The following CHN2 variants were observed in gnomAD, a reference collection of about 807,000 sequenced individuals.
CHN2 encodes chimerin 2.
A neutral mutation model predicts 56.3 loss-of-function variants in CHN2; 35 were observed. That is an observed-to-expected ratio of 0.62 (90% CI 0.47 to 0.82). The LOEUF is 0.82. Ranked by LOEUF, CHN2 falls within the 40% of genes least tolerant of loss-of-function variation. CHN2 has a pLI of 0.00. For synonymous variants in CHN2, 210 were observed against 212.8 expected (o/e 0.99, Z 0.12); for missense variants, 491 against 580.5 (o/e 0.85, Z 1.58).
chr7:29,237,458 G>T (rs1280548046), intron 1 of CHN2, among the ~76,000 whole-genome samples: 1 of 150,566 alleles, frequency 6.6e-6, no homozygotes, highest in African/African-American at 2.4e-5. Context: ...CTATTCTGAA[G>T]ATTTCAGTTT....
At position 29,508,586 on chromosome 7, in the gene CHN2, G is replaced by GCC. The variant is rs774665533; in HGVS notation, c.1130-713_1130-712dup. Among the ~76,000 whole-genome samples the GCC allele has an allele frequency of 2.0e-5, 3 of 152,170 alleles. No individual in the cohort carries two copies. The East Asian group carries it at 5.8e-4, about 29-fold the overall frequency. ...GGTAAGACTATTCCCTCCTTCCGGG[G>GCC]CCCTAGTGGTCCTGGCAAAGAAGGT... is the stretch of plus-strand genomic sequence containing the variant. On this transcript the variant is annotated intron_variant, in intron 11 of 12. Coordinates refer to ENST00000222792, the MANE Select transcript of CHN2 (RefSeq NM_004067.4).
chr7:29,201,554 T>G (rs1353427302), intron 1 of CHN2, among the ~76,000 whole-genome samples: 3 of 152,170 alleles, frequency 2.0e-5, no homozygotes, highest in Non-Finnish European at 2.9e-5. Flanking sequence ...GGCACAAAGA[T>G]TTAAGTGGCT....
exon 2 of CHN2, chr7:29,146,880 G>A: frequency 6.4e-7 from 1 of 1,551,148 alleles, no homozygotes. Flanking sequence ...TTTACATTTG[G>A]AAAGCGAGTG....
At chr7:29,419,961 G>A (rs1804164529) in intron 6 of CHN2, among the ~76,000 whole-genome samples, 2 of 151,650 alleles carry the variant, frequency 1.3e-5, no homozygotes, top group South Asian at 2.1e-4. Context: ...TCGGGAGGCC[G>A]AGGCAGAAGA....
intron 1 of CHN2, among the ~76,000 whole-genome samples, chr7:29,274,308 T>G (rs1790996474): frequency 6.6e-6 from 1 of 152,214 alleles, no homozygotes; most frequent in Non-Finnish European, 1.5e-5. Flanking sequence ...GTGCTCCACT[T>G]CGTCTGCACA....
chr7:29,156,743 C>T (rs1470942183), intron 2 of CHN2, among the ~76,000 whole-genome samples: 4 of 152,166 alleles, frequency 2.6e-5, no homozygotes, highest in Admixed American at 2.0e-4. Flanking sequence ...CTTACACAAG[C>T]ATTATGCTAA....
At chr7:29,380,552 T>A (rs1585211076) in intron 3 of CHN2, among the ~76,000 whole-genome samples, 1 of 152,338 alleles carries the variant, frequency 6.6e-6, no homozygotes, top group Non-Finnish European at 1.5e-5. Flanking sequence ...CTCTTACATT[T>A]CTAGGAGAGA....
At chr7:29,172,100 G>A (rs934914778) in intron 2 of CHN2, among the ~76,000 whole-genome samples, 1 of 152,162 alleles carries the variant, frequency 6.6e-6, no homozygotes, top group Non-Finnish European at 1.5e-5. Context: ...ACGTTTATAC[G>A]CTTGGATTAC....
In CHN2 at chr7:29,318,637, T is replaced by A. The variant is rs540241205; in HGVS notation, c.50-35988T>A. On this transcript the variant is annotated intron_variant, in intron 1 of 12. Transcript: ENST00000222792. ...CCAGTCACAGTCATTTTTTTCCTGG[T>A]AACTTTTGCTGCAGTTATTTGATTT... Among the ~76,000 whole-genome samples, 2 of 152,328 alleles carry A rather than the reference T, an allele frequency of 1.3e-5. 1 individual carries two copies. Among genetic ancestry groups the A allele is most frequent in the South Asian group, 4.1e-4 (2 of 4,828 alleles).
rs573946260 is a variant in CHN2, at chr7:29,513,501, G to T, written c.*766G>T. 2 of 152,308 alleles carry T rather than the reference G, an allele frequency of 1.3e-5. No individual in the cohort carries two copies. Among genetic ancestry groups the T allele is most frequent in the East Asian group, 3.9e-4 (2 of 5,184 alleles). 9.4% of individuals were successfully genotyped at this position (152,308 alleles called of 1,614,324 possible). A position where few individuals can be genotyped will look rare whatever the true frequency, so the allele number is the denominator to read the frequency against. On this transcript the variant is annotated 3_prime_UTR_variant, in exon 13 of 13. Transcript: ENST00000222792. Reference sequence around the variant, plus strand: ...AATTCCCAAAGTATGCTTTGGAATTGGTCATAGTCTTTTCGTATCATGAGT... The same window carrying T: ...AATTCCCAAAGTATGCTTTGGAATTTGTCATAGTCTTTTCGTATCATGAGT...
chr7:29,321,281 C>T (rs3828986), intron 1 of CHN2, among the ~76,000 whole-genome samples: 36,501 of 152,092 alleles, frequency 0.24, 4,945 homozygotes, highest in Non-Finnish European at 0.31. Context: ...ATGCTAAGAG[C>T]TTGCTGTGCT....
At chr7:29,426,434 AG>A (rs1229211528) in intron 6 of CHN2, among the ~76,000 whole-genome samples, 1 of 152,190 alleles carries the variant, frequency 6.6e-6, no homozygotes, top group African/African-American at 2.4e-5. Flanking sequence ...TTGTTTGTAT[AG>A]GAGAACTTGC....
At chr7:29,291,123 T>G (rs1162770278) in intron 1 of CHN2, among the ~76,000 whole-genome samples, 1 of 152,152 alleles carries the variant, frequency 6.6e-6, no homozygotes, top group Non-Finnish European at 1.5e-5. Flanking sequence ...TTGAGGTGCT[T>G]TTCCCTTACC....
intron 6 of CHN2, among the ~76,000 whole-genome samples, chr7:29,472,625 G>A (rs1243212781): frequency 1.3e-5 from 2 of 151,824 alleles, no homozygotes; most frequent in Admixed American, 6.6e-5. Context: ...CATAAAAGTC[G>A]AAATCATTTC....
At chr7:29,234,831 A>C (rs1291254453) in intron 1 of CHN2, among the ~76,000 whole-genome samples, 1 of 152,222 alleles carries the variant, frequency 6.6e-6, no homozygotes, top group Non-Finnish European at 1.5e-5. Context: ...TAACATTAGC[A>C]TGATGGTTAT....
rs117999616 is a variant in CHN2 at position 29,344,672 on chromosome 7, C to T, written c.50-9953C>T. 2.3e-4 allele frequency among the ~76,000 whole-genome samples: 35 copies of T among 152,238 alleles called. No homozygotes were observed. In the East Asian group the frequency reaches 3.3e-3, roughly 14 times the overall value. ...AGCCTATCTGCTTGACTGGGCTCCA[C>T]GTGCTGTGGTAACAGAACTTACTCT... is the stretch of plus-strand genomic sequence containing the variant. On this transcript the variant is annotated intron_variant, in intron 1 of 12. Transcript: ENST00000222792.
At chr7:29,469,322 C>A (rs1785832106) in intron 6 of CHN2, among the ~76,000 whole-genome samples, 1 of 152,120 alleles carries the variant, frequency 6.6e-6, no homozygotes, top group Non-Finnish European at 1.5e-5. Context: ...GTACTTTAGC[C>A]CCCCTACAGT....
At chr7:29,453,239 C>T (rs1001936520) in intron 6 of CHN2, among the ~76,000 whole-genome samples, 24 of 152,160 alleles carry the variant, frequency 1.6e-4, no homozygotes, top group African/African-American at 5.8e-4. Context: ...CTGCTGAGGC[C>T]GCTGCACTCT....
At chr7:29,305,485 G>A (rs1049707800) in intron 1 of CHN2, among the ~76,000 whole-genome samples, 2 of 151,350 alleles carry the variant, frequency 1.3e-5, no homozygotes, top group African/African-American at 2.4e-5. Context: ...GATACTTATC[G>A]TTATTTATTA....
Sources: allele counts gnomAD v4.1 joint callset (sites outside exome capture counted in the v4.1 genomes callset), GRCh38; gene constraint gnomAD v4.1.1; transcripts MANE v1.5; gene names NCBI Gene and HGNC (gene_info 2026-07-23, HGNC 2026-07-21).